Variants in MAGI1 observed in about 807,000 individuals in gnomAD.
MAGI1 encodes membrane-associated guanylate kinase, WW and PDZ domain-containing protein 1.
Under a neutral mutation model 139.9 loss-of-function variants are expected in MAGI1, and 58 were observed. The ratio of observed to expected loss-of-function variants is 0.41; its 90% CI spans 0.34 to 0.52. The LOEUF is 0.52. Ranked by LOEUF, MAGI1 falls within the 20% of genes least tolerant of loss-of-function variation. MAGI1 has a pLI of 0.12. For missense variants in MAGI1, 1,874 were observed against 1,901.6 expected (o/e 0.99, Z 0.27); for synonymous variants, 812 against 737.9 (o/e 1.10, Z -1.63).
chr3:65,817,626 GT>G (rs2041687001), intron 1 of MAGI1, among the ~76,000 whole-genome samples: 1 of 152,184 alleles, frequency 6.6e-6, no homozygotes, highest in African/African-American at 2.4e-5. Flanking sequence ...ACTGAGTAGT[GT>G]TAGAAAAGAA....
chr3:65,829,716 T>C (rs2042425435), intron 1 of MAGI1, among the ~76,000 whole-genome samples: 1 of 152,246 alleles, frequency 6.6e-6, no homozygotes, highest in Admixed American at 6.5e-5. Flanking sequence ...TTGCAACATC[T>C]GCAATGCCAA....
At chr3:65,571,012 C>T (rs944248924) in intron 2 of MAGI1, among the ~76,000 whole-genome samples, 1 of 152,144 alleles carries the variant, frequency 6.6e-6, no homozygotes, top group African/African-American at 2.4e-5. Context: ...AAATCAGATG[C>T]ACTTGCTAAT....
At chr3:65,413,611 T>G (rs1279406189) in intron 12 of MAGI1, among the ~76,000 whole-genome samples, 1 of 152,220 alleles carries the variant, frequency 6.6e-6, no homozygotes, top group African/African-American at 2.4e-5. Context: ...GCTGTTTCCT[T>G]GACTATGTCA....
intron 6 of MAGI1, chr3:65,452,644 TCAA>T (rs1294354109): frequency 6.6e-6 from 1 of 152,056 alleles, no homozygotes; most frequent in Non-Finnish European, 1.5e-5. Context: ...ATGAACTTTT[TCAA>T]CAAAAGCTCT....
At chr3:65,937,641 C>G (rs1462960057) in intron 1 of MAGI1, among the ~76,000 whole-genome samples, 2 of 152,076 alleles carry the variant, frequency 1.3e-5, no homozygotes, top group Non-Finnish European at 2.9e-5. Context: ...CTATGCCTAA[C>G]CTGCTAAATA....
chr3:65,489,947 T>G (rs111900242), intron 3 of MAGI1, among the ~76,000 whole-genome samples: 2 of 152,212 alleles, frequency 1.3e-5, no homozygotes, highest in South Asian at 2.1e-4. Context: ...TTTGTGTTGT[T>G]GTGGTAGACT....
At chr3:65,896,781 A>G (rs1376026725) in intron 1 of MAGI1, among the ~76,000 whole-genome samples, 1 of 152,252 alleles carries the variant, frequency 6.6e-6, no homozygotes, top group East Asian at 1.9e-4. Flanking sequence ...ATGATAGTGT[A>G]AAAGCAGGTG....
intron 1 of MAGI1, among the ~76,000 whole-genome samples, chr3:65,828,704 T>C (rs1289144437): frequency 6.6e-6 from 1 of 152,222 alleles, no homozygotes; most frequent in Non-Finnish European, 1.5e-5. Flanking sequence ...AAAAGGATTT[T>C]GCAATTTATG....
intron 2 of MAGI1, among the ~76,000 whole-genome samples, chr3:65,500,712 A>G (rs1451933742): frequency 1.3e-5 from 2 of 152,232 alleles, no homozygotes; most frequent in African/African-American, 4.8e-5. Flanking sequence ...GATCTCACTC[A>G]ACAACTGTCC....
At chr3:65,783,703 G>A (rs183971814) in intron 1 of MAGI1, among the ~76,000 whole-genome samples, 151 of 150,444 alleles carry the variant, frequency 1.0e-3, no homozygotes, top group South Asian at 2.3e-3. Flanking sequence ...TTGCCACGTT[G>A]CCCAGGCTGG....
intron 2 of MAGI1, among the ~76,000 whole-genome samples, chr3:65,575,359 T>G (rs1317764685): frequency 6.6e-6 from 1 of 151,952 alleles, no homozygotes; most frequent in Non-Finnish European, 1.5e-5. Context: ...AAGGTTAAAG[T>G]TAAAAAGACT....
chr3:65,561,536 C>T (rs758608572), intron 2 of MAGI1, among the ~76,000 whole-genome samples: 1 of 152,110 alleles, frequency 6.6e-6, no homozygotes, highest in Middle Eastern at 3.2e-3. Context: ...TATGAACACC[C>T]TGAAAATACA....
intron 1 of MAGI1, among the ~76,000 whole-genome samples, chr3:65,869,753 T>C (rs1047056913): frequency 1.3e-5 from 2 of 152,128 alleles, no homozygotes; most frequent in African/African-American, 4.8e-5. Flanking sequence ...GCATGGCACA[T>C]AGTAGGTACT....
chr3:65,751,851 T>G (rs540747731), intron 1 of MAGI1, among the ~76,000 whole-genome samples: 1 of 152,364 alleles, frequency 6.6e-6, no homozygotes, highest in South Asian at 2.1e-4. Context: ...TTTAAAAAAT[T>G]TCCTTCTTTA....
chr3:65,928,750 C>T (rs528838566), intron 1 of MAGI1, among the ~76,000 whole-genome samples: 1 of 152,088 alleles, frequency 6.6e-6, no homozygotes, highest in Non-Finnish European at 1.5e-5. Flanking sequence ...TTAAAACCTA[C>T]GTTTTCAAAT....
chr3:65,605,793 A>T (rs2082711218), intron 2 of MAGI1, among the ~76,000 whole-genome samples: 1 of 152,196 alleles, frequency 6.6e-6, no homozygotes, highest in Admixed American at 6.5e-5. Context: ...TATAGGAAAC[A>T]TATCTCAATT....
At chr3:65,491,115 T>C (rs1193256283) in intron 3 of MAGI1, among the ~76,000 whole-genome samples, 2 of 152,178 alleles carry the variant, frequency 1.3e-5, no homozygotes, top group Non-Finnish European at 2.9e-5. Flanking sequence ...AATGGGTTAT[T>C]TTCCTTAGCT....
chr3:65,770,101 A>C (rs978315299), intron 1 of MAGI1, among the ~76,000 whole-genome samples: 1 of 152,214 alleles, frequency 6.6e-6, no homozygotes, highest in Non-Finnish European at 1.5e-5. Context: ...TGAGAGAGGC[A>C]GAAGAAGACA....
chr3:65,510,444 C>A (rs1446273520), intron 2 of MAGI1, among the ~76,000 whole-genome samples: 1 of 147,244 alleles, frequency 6.8e-6, no homozygotes, highest in South Asian at 2.2e-4. Context: ...ATAACCAATA[C>A]AGAGAAGTGC....
Sources: gnomAD v4.1 joint callset for allele counts (sites outside exome capture counted in the v4.1 genomes callset) on GRCh38, gnomAD v4.1.1 for gene constraint, MANE v1.5 for transcripts, NCBI Gene and HGNC (gene_info 2026-07-23, HGNC 2026-07-21) for gene names.